CABLES1: variants seen among roughly 807,000 people sequenced by gnomAD.
CABLES1 encodes CDK5 and ABL1 enzyme substrate 1.
In CABLES1, 36 loss-of-function variants were observed where a neutral mutation model predicts 57.8. That is an observed-to-expected ratio of 0.62 (90% CI 0.48 to 0.82). CABLES1 has a LOEUF of 0.82. Among genes scored for constraint, CABLES1 ranks in the 40% least tolerant of loss-of-function variants. The pLI is 0.00. For synonymous variants in CABLES1, 374 were observed against 363.0 expected, an observed-to-expected ratio of 1.03 and a Z score of -0.35; for missense variants, 767 against 836.6, an observed-to-expected ratio of 0.92 and a Z score of 1.03.
At chr18:23,215,898 C>T (rs1000178328) in intron 4 of CABLES1, among the ~76,000 whole-genome samples, 2 of 151,958 alleles carry the variant, frequency 1.3e-5, no homozygotes. Context: ...GGACTGCAGG[C>T]GCCTGCCACC....
chr18:23,198,424 C>T (rs1446956352), intron 3 of CABLES1, among the ~76,000 whole-genome samples: 3 of 152,148 alleles, frequency 2.0e-5, no homozygotes, highest in Non-Finnish European at 4.4e-5. Context: ...TTGAAACAGC[C>T]TGAGTAGGGC....
At chr18:23,199,089 A>G (rs2047305259) in intron 3 of CABLES1, among the ~76,000 whole-genome samples, 1 of 152,218 alleles carries the variant, frequency 6.6e-6, no homozygotes, top group East Asian at 1.9e-4. Flanking sequence ...TTGCATTCTG[A>G]TTTTTTAAAA....
chr18:23,202,675 G>A (rs1186982794), intron 3 of CABLES1, among the ~76,000 whole-genome samples: 2 of 152,212 alleles, frequency 1.3e-5, no homozygotes, highest in South Asian at 4.1e-4. Flanking sequence ...GGACAGCAGA[G>A]ATTCTGAGTA....
At chr18:23,193,224 C>T (rs997385012) in intron 2 of CABLES1, among the ~76,000 whole-genome samples, 8 of 148,432 alleles carry the variant, frequency 5.4e-5, no homozygotes, top group Non-Finnish European at 8.9e-5. Flanking sequence ...CTGTGTCTCA[C>T]TCTGTCACCC....
chr18:23,150,691 C>A (rs1285979373), intron 1 of CABLES1, among the ~76,000 whole-genome samples: 1 of 151,970 alleles, frequency 6.6e-6, no homozygotes, highest in Non-Finnish European at 1.5e-5. Flanking sequence ...GTAGACTAAA[C>A]TCTGGAGGGT....
Position 23,259,490 on chromosome 18 carries a change from T to A in CABLES1, c.*2123T>A, listed in dbSNP as rs2048242788. 1 of 152,248 alleles carries A rather than the reference T, an allele frequency of 6.6e-6. No homozygotes were observed. Among genetic ancestry groups the A allele is most frequent in the South Asian group, 2.1e-4 (1 of 4,832 alleles). 9.4% of individuals were successfully genotyped at this position (152,248 alleles called of 1,614,324 possible). Reference sequence around the variant, plus strand: ...TGAGGTGAGCCCATGAAGTTAGTGGTCCATTACTTTTTAAAGATGCATTTT... The same window carrying A: ...TGAGGTGAGCCCATGAAGTTAGTGGACCATTACTTTTTAAAGATGCATTTT... On this transcript the variant is annotated 3_prime_UTR_variant, in exon 10 of 10. Transcript: ENST00000256925.
intron 1 of CABLES1, among the ~76,000 whole-genome samples, chr18:23,174,191 A>G (rs969015468): frequency 6.6e-5 from 10 of 152,170 alleles, no homozygotes; most frequent in Non-Finnish European, 8.8e-5. Context: ...GACATTTCAT[A>G]TAAGTAGAAT....
intron 3 of CABLES1, among the ~76,000 whole-genome samples, chr18:23,208,499 G>A (rs1179135448): frequency 1.3e-5 from 2 of 152,322 alleles, no homozygotes; most frequent in South Asian, 2.1e-4. Context: ...AGGAACGGCT[G>A]TGGGAAAAGG....
In CABLES1 at chr18:23,165,881, G is replaced by A. The variant is rs77458746; in HGVS notation, c.846-22957G>A. Among the ~76,000 whole-genome samples the A allele has an allele frequency of 3.5e-3, 535 of 152,280 alleles. 1 individual carries two copies. The highest frequency in any genetic ancestry group is 6.8e-3 in the Middle Eastern group (2 of 294). ...ATCAGAAAGCGATCTCTCATGTAGG[G>A]GTGAGTTACAAAGGGAAAGGGATGG... On this transcript the variant is annotated intron_variant, in intron 1 of 9. Transcript: ENST00000256925.
intron 1 of CABLES1, among the ~76,000 whole-genome samples, chr18:23,183,892 T>C (rs1445005691): frequency 2.6e-5 from 4 of 152,230 alleles, no homozygotes; most frequent in Non-Finnish European, 4.4e-5. Context: ...GCCCTGAGGC[T>C]TTTTGTTTAT....
At chr18:23,204,899 C>G (rs964547388) in intron 3 of CABLES1, among the ~76,000 whole-genome samples, 2 of 152,214 alleles carry the variant, frequency 1.3e-5, no homozygotes, top group Non-Finnish European at 2.9e-5. Flanking sequence ...CGGGTCCCTC[C>G]CACAACATGT....
chr18:23,250,264 C>T (rs2059543714), intron 7 of CABLES1, among the ~76,000 whole-genome samples: 1 of 152,212 alleles, frequency 6.6e-6, no homozygotes. Flanking sequence ...CTGCTCACAT[C>T]ATTGCAAACC....
chr18:23,253,059 A>G lies in CABLES1; in HGVS notation c.1546A>G (p.Ile516Val), dbSNP rs2048078080. 1.2e-6 allele frequency: 2 copies of G among 1,603,760 alleles called. No homozygotes were observed. ...TCACATTAAGCTGACACTCAGCAAA[A>G]TTAGGAGGTACGGGAGGCTGGACTT... is the stretch of plus-strand genomic sequence containing the variant. ...FPHIKLTLSK[I>V]RSLKREMRKL... The change falls in exon 8 of 10, where the codon ATT (isoleucine) becomes GTT (valine). Residue 516 changes from isoleucine (I) to valine (V), a missense_variant. By Grantham distance (29) the Ile-to-Val change is conservative (BLOSUM62 3). This residue lies in a region of CABLES1 where 529 missense variants were observed against 622.8 expected (regional missense o/e 0.85). Transcript: ENST00000256925.
intron 1 of CABLES1, among the ~76,000 whole-genome samples, chr18:23,165,161 T>A (rs1303828380): frequency 6.6e-6 from 1 of 152,150 alleles, no homozygotes; most frequent in African/African-American, 2.4e-5. Flanking sequence ...TGGTGCGTGA[T>A]CATAGCTCAT....
chr18:23,258,010 A>G lies in CABLES1; in HGVS notation c.*643A>G, dbSNP rs750361064. On this transcript the variant is annotated 3_prime_UTR_variant, in exon 10 of 10. Transcript: ENST00000256925. ...ACAATTATTTCTAGATGATTTCTGG[A>G]TAAGAATTGCTCTCTCGGTACCAGA... is the stretch of plus-strand genomic sequence containing the variant. 2 of 152,202 alleles carry G rather than the reference A, an allele frequency of 1.3e-5. No homozygotes were observed. Among genetic ancestry groups the G allele is most frequent in the Non-Finnish European group, 2.9e-5 (2 of 68,050 alleles). The allele number at this position is 152,202 out of a possible 1,614,324, so 9.4% of individuals were successfully genotyped here.
At chr18:23,141,451 C>A (rs957878043) in intron 1 of CABLES1, among the ~76,000 whole-genome samples, 3 of 152,236 alleles carry the variant, frequency 2.0e-5, no homozygotes, top group African/African-American at 2.4e-5. Flanking sequence ...AGGCAAGTCG[C>A]CAGTCTGTGT....
chr18:23,222,950 A>G (rs923633793), intron 4 of CABLES1, among the ~76,000 whole-genome samples: 2 of 152,074 alleles, frequency 1.3e-5, no homozygotes, highest in Admixed American at 1.3e-4. Flanking sequence ...CCTCCCACCC[A>G]CTAGCCAGGT....
chr18:23,251,277 C>A (rs1389986693), intron 7 of CABLES1, among the ~76,000 whole-genome samples: 14 of 152,004 alleles, frequency 9.2e-5, no homozygotes, highest in Admixed American at 4.6e-4. Context: ...ACATGGCGAA[C>A]CCCCATTTAC....
intron 1 of CABLES1, among the ~76,000 whole-genome samples, chr18:23,180,696 A>G (rs2047159047): frequency 6.6e-6 from 1 of 152,134 alleles, no homozygotes; most frequent in African/African-American, 2.4e-5. Flanking sequence ...TTGGGTTTAT[A>G]TATAGTTTTT....
Sources: gnomAD v4.1 joint callset for allele counts (sites outside exome capture counted in the v4.1 genomes callset) on GRCh38, gnomAD v4.1.1 for gene constraint, gnomAD v4.1.1 regional missense constraint, MANE v1.5 for transcripts, NCBI Gene and HGNC (gene_info 2026-07-23, HGNC 2026-07-21) for gene names.